NOS1AP: variants seen among roughly 807,000 people sequenced by gnomAD.
NOS1AP encodes nitric oxide synthase 1 adaptor protein.
NOS1AP carries 21 observed loss-of-function variants against 56.2 expected under a neutral mutation model. The observed-to-expected ratio is 0.37, with a 90% CI of 0.26 to 0.54. The LOEUF (loss-of-function observed/expected upper bound fraction) is 0.54, where lower values mean the gene tolerates loss of function less well. Among genes scored for constraint, NOS1AP ranks in the 20% least tolerant of loss-of-function variants. The pLI, the probability that NOS1AP is intolerant of heterozygous loss-of-function variation, is 0.84. For missense variants in NOS1AP, 522 were observed against 657.8 expected (o/e 0.79, Z 2.26); for synonymous variants, 270 against 274.6 (o/e 0.98, Z 0.17).
intron 6 of NOS1AP, among the ~76,000 whole-genome samples, chr1:162,353,401 C>G (rs1289678721): frequency 6.6e-6 from 1 of 152,146 alleles, no homozygotes; most frequent in African/African-American, 2.4e-5. Flanking sequence ...TTTTCTGATT[C>G]CACCTGGGCT....
chr1:162,261,504 G>GAA (rs1553200067), intron 2 of NOS1AP, among the ~76,000 whole-genome samples: 1 of 11,132 alleles, frequency 9.0e-5, no homozygotes, highest in African/African-American at 6.5e-4. Flanking sequence ...GAGAGAGAGA[G>GAA]AGAGAGAGAG....
intron 2 of NOS1AP, among the ~76,000 whole-genome samples, chr1:162,208,887 G>T (rs1484942116): frequency 6.6e-6 from 1 of 152,164 alleles, no homozygotes; most frequent in Non-Finnish European, 1.5e-5. Flanking sequence ...GTGAGGCTGG[G>T]GAGAACAGAA....
intron 1 of NOS1AP, among the ~76,000 whole-genome samples, chr1:162,109,134 C>T (rs1232183598): frequency 6.6e-6 from 1 of 152,180 alleles, no homozygotes; most frequent in Non-Finnish European, 1.5e-5. Context: ...GAGGAGACCA[C>T]CCCTATGATT....
intron 6 of NOS1AP, among the ~76,000 whole-genome samples, chr1:162,349,434 A>C (rs1440616124): frequency 6.6e-6 from 1 of 152,128 alleles, no homozygotes; most frequent in Non-Finnish European, 1.5e-5. Context: ...TGATGGAGAG[A>C]GAGTTGGAGC....
chr1:162,162,908 G>T (rs1932931), intron 2 of NOS1AP, among the ~76,000 whole-genome samples: 150,040 of 152,198 alleles, frequency 0.99, 73,992 homozygotes, highest in East Asian at 1. Flanking sequence ...TTTCAAACAT[G>T]TTTGGGGCGC....
intron 2 of NOS1AP, among the ~76,000 whole-genome samples, chr1:162,271,262 C>T (rs929397822): frequency 6.2e-5 from 9 of 145,638 alleles, no homozygotes; most frequent in Non-Finnish European, 1.3e-4. Flanking sequence ...TAGAATACTA[C>T]CCAGGAGTCC....
chr1:162,337,351 T>C (rs1442376731), intron 5 of NOS1AP, among the ~76,000 whole-genome samples: 1 of 152,234 alleles, frequency 6.6e-6, no homozygotes, highest in East Asian at 1.9e-4. Context: ...GCTGTGAAGT[T>C]GAACTGTCCT....
intron 3 of NOS1AP, among the ~76,000 whole-genome samples, chr1:162,298,871 A>G (rs1655553850): frequency 6.6e-6 from 1 of 152,274 alleles, no homozygotes; most frequent in Non-Finnish European, 1.5e-5. Flanking sequence ...TAGAGATATT[A>G]GAACTGAAAA....
chr1:162,165,572 G>C (rs887206507), intron 2 of NOS1AP, among the ~76,000 whole-genome samples: 1 of 152,150 alleles, frequency 6.6e-6, no homozygotes, highest in Non-Finnish European at 1.5e-5. Context: ...GTGGTAAGTG[G>C]GGAATCTAGG....
chr1:162,154,444 G>A lies in NOS1AP; in HGVS notation c.145G>A (p.Val49Met). 6.2e-7 allele frequency: 1 copy of A among 1,614,184 alleles called. No individual in the cohort carries two copies. The highest frequency in any genetic ancestry group is 2.2e-5 in the East Asian group (1 of 44,874). The change falls in exon 2 of 10, where the codon GTG becomes ATG. Residue 49 changes from valine to methionine, a missense_variant. Physicochemically the swap from Val to Met is conservative, Grantham distance 21. Transcript: ENST00000361897. ...GGACGTGCCAAGGCCCAACAGCAGG[G>A]TGGAGATCGTGGCTGCCATGCGCCG... ...SLDVPRPNSRVEIVAAMRRIR... is the reference protein window; with the variant it reads ...SLDVPRPNSRMEIVAAMRRIR...
intron 3 of NOS1AP, among the ~76,000 whole-genome samples, chr1:162,295,403 A>G (rs941886633): frequency 6.6e-6 from 1 of 152,230 alleles, no homozygotes; most frequent in East Asian, 1.9e-4. Context: ...GTTTGGCTGT[A>G]GTTATTGTTC....
intron 6 of NOS1AP, among the ~76,000 whole-genome samples, chr1:162,353,618 A>G (rs952929207): frequency 1.3e-5 from 2 of 152,220 alleles, no homozygotes; most frequent in African/African-American, 2.4e-5. Context: ...CATGAATGAG[A>G]CACAGCCTGG....
chr1:162,076,755 C>T (rs1426975625), intron 1 of NOS1AP, among the ~76,000 whole-genome samples: 1 of 152,176 alleles, frequency 6.6e-6, no homozygotes, highest in Non-Finnish European at 1.5e-5. Flanking sequence ...ATCCTTACCC[C>T]CTGCGTCTTC....
At chr1:162,186,511 T>A (rs1387202625) in intron 2 of NOS1AP, among the ~76,000 whole-genome samples, 1 of 152,152 alleles carries the variant, frequency 6.6e-6, no homozygotes, top group Non-Finnish European at 1.5e-5. Context: ...GTGGACTGAG[T>A]GTGTCTCCCC....
At chr1:162,289,465 TTTTC>T (rs1304866814) in intron 3 of NOS1AP, among the ~76,000 whole-genome samples, 2,799 of 31,928 alleles carry the variant, frequency 0.088, 445 homozygotes, top group East Asian at 0.23. Context: ...GCCCAGCTAC[TTTTC>T]TTTTTTTTTT....
intron 1 of NOS1AP, among the ~76,000 whole-genome samples, chr1:162,094,303 A>C (rs781371751): frequency 1.3e-5 from 2 of 152,100 alleles, no homozygotes; most frequent in Non-Finnish European, 2.9e-5. Flanking sequence ...CATTCCATTT[A>C]CTTTCATCTT....
chr1:162,246,993 C>T (rs887369066), intron 2 of NOS1AP, among the ~76,000 whole-genome samples: 6 of 152,178 alleles, frequency 3.9e-5, no homozygotes, highest in African/African-American at 1.4e-4. Context: ...AAACTGAGTA[C>T]AAATCTCATC....
At chr1:162,314,673 G>A (rs1656173529) in intron 4 of NOS1AP, among the ~76,000 whole-genome samples, 3 of 152,116 alleles carry the variant, frequency 2.0e-5, no homozygotes, top group Non-Finnish European at 1.5e-5. Context: ...GACCTTTTCT[G>A]GGATACAAAT....
chr1:162,112,434 C>T (rs1182448309), intron 1 of NOS1AP, among the ~76,000 whole-genome samples: 1 of 152,146 alleles, frequency 6.6e-6, no homozygotes, highest in Non-Finnish European at 1.5e-5. Context: ...GACTGTGTAG[C>T]CTTGGCCCCC....
Sources: gnomAD v4.1 joint callset for allele counts (sites outside exome capture counted in the v4.1 genomes callset) on GRCh38, gnomAD v4.1.1 for gene constraint, MANE v1.5 for transcripts, NCBI Gene and HGNC (gene_info 2026-07-23, HGNC 2026-07-21) for gene names.